The following CC2D2A variants were observed in gnomAD, a reference collection of about 807,000 sequenced individuals.
The protein encoded by CC2D2A is coiled-coil and C2 domain containing 2A.
CC2D2A carries 155 observed loss-of-function variants against 212.9 expected under a neutral mutation model. That is an observed-to-expected ratio of 0.73 (90% confidence interval 0.64 to 0.83). CC2D2A has a LOEUF of 0.83. Among genes scored for constraint, CC2D2A ranks in the 40% least tolerant of loss-of-function variants. CC2D2A has a pLI of 0.00. For missense variants in CC2D2A, 1,856 were observed against 1,956.2 expected (o/e 0.95, Z 0.97); for synonymous variants, 667 against 686.5 (o/e 0.97, Z 0.44).
Position 15,557,306 on chromosome 4 carries a change from T to G in CC2D2A, c.2628T>G (p.Val876=). ...NNAPLMQLIS[V]ATSGESYVPD... ...TTTGCATTTTCCGTTTTTTATAGGT[T>G]GCTACCAGTGGTGAATCCTATGTCC... is the stretch of plus-strand genomic sequence containing the variant. The change falls in exon 21 of 37, where the codon GTT becomes GTG. Residue 876 remains valine, a splice_region_variant and synonymous_variant. Coordinates refer to ENST00000424120, the MANE Select transcript of CC2D2A (RefSeq NM_001378615.1). 1 of 1,606,504 alleles carries G rather than the reference T, an allele frequency of 6.2e-7. No homozygotes were observed. Among genetic ancestry groups the G allele is most frequent in the Non-Finnish European group, 8.5e-7 (1 of 1,176,356 alleles).
At position 15,596,135 on chromosome 4, in the gene CC2D2A, T is replaced by A; in HGVS notation, c.4365T>A (p.Asp1455Glu). 1.3e-6 allele frequency: 2 copies of A among 1,549,982 alleles called. No homozygotes were observed. Among genetic ancestry groups the A allele is most frequent in the South Asian group, 1.2e-5 (1 of 83,728 alleles). ...RYESPLRINF[D>E]VTRPKLWKSF... Reference sequence around the variant, plus strand: ...AATCTCCACTAAGGATAAATTTTGATGTCACCAGGCCCAAGCTATGGAAAT... The same window carrying A: ...AATCTCCACTAAGGATAAATTTTGAAGTCACCAGGCCCAAGCTATGGAAAT... Residue 1455 changes from aspartate (D) to glutamate (E), a missense_variant, in exon 34 of 37, where the codon GAT (aspartate) becomes GAA (glutamate). By Grantham distance (45) the Asp-to-Glu change is conservative. Transcript: ENST00000424120.
At chr4:15,495,862 A>G (rs1021304155) in intron 4 of CC2D2A, among the ~76,000 whole-genome samples, 5 of 152,170 alleles carry the variant, frequency 3.3e-5, no homozygotes, top group Non-Finnish European at 7.4e-5. Flanking sequence ...AGTGTATAAC[A>G]GTTCCCTTTT....
rs1028734247 is a variant in CC2D2A at position 15,589,657 on chromosome 4, G to T, written c.4292G>T (p.Gly1431Val). The T allele has an allele frequency of 6.3e-7, 1 of 1,595,440 alleles. No individual in the cohort carries two copies. The highest frequency in any genetic ancestry group is 8.6e-7 in the Non-Finnish European group (1 of 1,169,528). Reference protein sequence around the residue: ...FDTFCPLKNVGCLIGPDNIWF... With the variant: ...FDTFCPLKNVVCLIGPDNIWF... ...ACATTCTGTCCCTTGAAAAATGTGG[G>T]CTGTTTAATAGGTCCTGACAATGTA... The change falls in exon 33 of 37, where the codon GGC (glycine) becomes GTC (valine). Residue 1431 changes from glycine to valine, a missense_variant. Transcript: ENST00000424120.
intron 4 of CC2D2A, among the ~76,000 whole-genome samples, chr4:15,483,104 T>C (rs1714791069): frequency 6.6e-6 from 1 of 152,214 alleles, no homozygotes; most frequent in African/African-American, 2.4e-5. Flanking sequence ...ATAAGGAGTC[T>C]GTGGAGCCAG....
chr4:15,556,732 G>T (rs560961198), intron 20 of CC2D2A, among the ~76,000 whole-genome samples: 2 of 152,316 alleles, frequency 1.3e-5, no homozygotes, highest in South Asian at 4.1e-4. Flanking sequence ...GCTTCTCAGA[G>T]GTGCCAGACT....
In CC2D2A at chr4:15,569,356, C is replaced by T; in HGVS notation, c.3462C>T (p.Asn1154=). The T allele has an allele frequency of 6.3e-7, 1 of 1,578,890 alleles. No individual in the cohort carries two copies. Among genetic ancestry groups the T allele is most frequent in the Non-Finnish European group, 8.6e-7 (1 of 1,160,260 alleles). Residue 1154 remains asparagine, a synonymous_variant, in exon 27 of 37, where the codon AAC becomes AAT. Coordinates refer to ENST00000424120, the MANE Select transcript of CC2D2A (RefSeq NM_001378615.1). ...CAGTGAAAGATGTTGTGTTCATTAA[C>T]ATTTTTGATGAAGTACTGCATGATG... The part of the protein sequence containing the change: ...LQSVKDVVFI[N]IFDEVLHDVL...
intron 18 of CC2D2A, among the ~76,000 whole-genome samples, chr4:15,552,676 T>C (rs1375155841): frequency 1.3e-5 from 2 of 152,232 alleles, no homozygotes. Context: ...AGAAGTTCTT[T>C]TCTTTCTCAG....
intron 4 of CC2D2A, among the ~76,000 whole-genome samples, chr4:15,492,513 G>GT (rs796879647): frequency 1.6e-3 from 235 of 146,228 alleles, no homozygotes; most frequent in East Asian, 0.013. Flanking sequence ...TGTTTGTTTG[G>GT]TTTTTTTTTT....
At chr4:15,565,282 T>C (rs7658528) in intron 24 of CC2D2A, among the ~76,000 whole-genome samples, 146,178 of 152,334 alleles carry the variant, frequency 0.96, 70,418 homozygotes, top group East Asian at 1. Flanking sequence ...TAAGGGAGCA[T>C]AGTTGATCCT....
chr4:15,499,953 A>G (rs1715829901), intron 4 of CC2D2A, among the ~76,000 whole-genome samples: 1 of 152,012 alleles, frequency 6.6e-6, no homozygotes, highest in Admixed American at 6.6e-5. Flanking sequence ...GTACTAATCA[A>G]ATAGCCTAAC....
intron 11 of CC2D2A, 80 bp from the exon 12 acceptor site, chr4:15,527,367 T>G: frequency 1.9e-6 from 2 of 1,062,172 alleles, no homozygotes; most frequent in Non-Finnish European, 2.8e-6. Context: ...CATCTGACCG[T>G]TTTCCCATTG....
chr4:15,508,828 A>G (rs1029786231), intron 6 of CC2D2A, among the ~76,000 whole-genome samples: 1 of 152,200 alleles, frequency 6.6e-6, no homozygotes, highest in Admixed American at 6.5e-5. Context: ...TGTCCATATA[A>G]TAATGATCAA....
At chr4:15,545,439 A>C (rs903373708) in intron 17 of CC2D2A, among the ~76,000 whole-genome samples, 1 of 152,180 alleles carries the variant, frequency 6.6e-6, no homozygotes. Flanking sequence ...AGGGGCACAT[A>C]GGACCCTGCC....
At chr4:15,566,589 A>G (rs1719890532) in intron 24 of CC2D2A, among the ~76,000 whole-genome samples, 1 of 152,132 alleles carries the variant, frequency 6.6e-6, no homozygotes, top group Non-Finnish European at 1.5e-5. Context: ...TGGGGACCAG[A>G]GCATACTAAA....
intron 31 of CC2D2A, 21 bp from the exon 32 acceptor site, chr4:15,587,795 A>ATT: frequency 7.6e-7 from 1 of 1,319,102 alleles, no homozygotes; most frequent in Non-Finnish European, 1.1e-6. Flanking sequence ...ATACAACATA[A>ATT]TTTTTTTTTC....
intron 17 of CC2D2A, among the ~76,000 whole-genome samples, chr4:15,547,737 C>T (rs997407455): frequency 6.6e-6 from 1 of 152,122 alleles, no homozygotes; most frequent in Non-Finnish European, 1.5e-5. Flanking sequence ...GCATTTCTTC[C>T]TAGCATTTAA....
chr4:15,570,720 G>A (rs1380358877), intron 28 of CC2D2A, among the ~76,000 whole-genome samples: 1 of 152,066 alleles, frequency 6.6e-6, no homozygotes, highest in Non-Finnish European at 1.5e-5. Flanking sequence ...GCCGGGCGTG[G>A]TGGTGCGCAC....
chr4:15,567,573 A>C, intron 25 of CC2D2A, 91 bp downstream of exon 25: 1 of 1,357,060 alleles, frequency 7.4e-7, no homozygotes, highest in Non-Finnish European at 1.0e-6. Flanking sequence ...TCTCTGCTTC[A>C]TTTTCTTTGG....
chr4:15,473,957 A>G (rs184964384), intron 1 of CC2D2A, among the ~76,000 whole-genome samples: 12 of 152,310 alleles, frequency 7.9e-5, no homozygotes, highest in African/African-American at 2.2e-4. Context: ...TGAGGTATGT[A>G]AAGCCAAGTG....
Sources: gnomAD v4.1 joint callset for allele counts (sites outside exome capture counted in the v4.1 genomes callset) on GRCh38, gnomAD v4.1.1 for gene constraint, MANE v1.5 for transcripts, NCBI Gene and HGNC (gene_info 2026-07-23, HGNC 2026-07-21) for gene names.